Variants in LINGO2 observed in about 807,000 individuals in gnomAD.
LINGO2 encodes the protein leucine-rich repeat and immunoglobulin-like domain-containing nogo receptor-interacting protein 2.
Under a neutral mutation model 30.6 loss-of-function variants are expected in LINGO2, and 14 were observed. The ratio of observed to expected loss-of-function variants is 0.46; its 90% CI spans 0.30 to 0.72. The LOEUF (loss-of-function observed/expected upper bound fraction) is 0.72, where lower values mean the gene tolerates loss of function less well. LINGO2 is among the 30% of genes least tolerant of loss of function. The pLI is 0.07. For missense variants in LINGO2, 729 were observed against 751.7 expected (o/e 0.97, Z 0.35); for synonymous variants, 317 against 288.5 (o/e 1.10, Z -1.00).
chr9:29,173,994 T>C, the LINGO2 span, among the ~76,000 whole-genome samples: 2 of 152,016 alleles, frequency 1.3e-5, no homozygotes, highest in South Asian at 4.1e-4. Context: ...GGAATTAGAA[T>C]TGAAAACAAA....
the LINGO2 span, among the ~76,000 whole-genome samples, chr9:29,184,178 C>T: frequency 6.6e-6 from 1 of 152,058 alleles, no homozygotes; most frequent in East Asian, 1.9e-4. Context: ...CAAATTTGAA[C>T]AGGGCAAGCT....
At chr9:28,555,819 C>T (rs934050610) in intron 1 of LINGO2, among the ~76,000 whole-genome samples, 21 of 152,116 alleles carry the variant, frequency 1.4e-4, no homozygotes, top group Admixed American at 5.9e-4. Context: ...GGGCTTCATC[C>T]CTGGGATGCA....
intron 3 of LINGO2, among the ~76,000 whole-genome samples, chr9:28,363,669 C>G (rs959836404): frequency 1.3e-5 from 2 of 151,890 alleles, no homozygotes; most frequent in African/African-American, 2.4e-5. Context: ...TTAGTCAAGG[C>G]TAGATGCACA....
the LINGO2 span, among the ~76,000 whole-genome samples, chr9:29,067,226 A>G: frequency 6.6e-6 from 1 of 151,822 alleles, no homozygotes; most frequent in Non-Finnish European, 1.5e-5. Context: ...ACTGAATAGG[A>G]TCAGTAAAGA....
At chr9:28,322,573 G>C (rs1825086597) in intron 3 of LINGO2, among the ~76,000 whole-genome samples, 1 of 151,922 alleles carries the variant, frequency 6.6e-6, no homozygotes, top group Non-Finnish European at 1.5e-5. Flanking sequence ...TAAAAATTAA[G>C]GAACTTGCAC....
intron 1 of LINGO2, among the ~76,000 whole-genome samples, chr9:28,573,608 T>C (rs1477228862): frequency 1.3e-5 from 2 of 152,200 alleles, no homozygotes; most frequent in Admixed American, 1.3e-4. Flanking sequence ...CCTTATACTT[T>C]CAAGTCTTTT....
chr9:28,026,418 T>C (rs577176665), intron 4 of LINGO2, among the ~76,000 whole-genome samples: 10 of 152,274 alleles, frequency 6.6e-5, no homozygotes, highest in African/African-American at 1.9e-4. Flanking sequence ...AAGGCACAGG[T>C]TGCTGGGCCC....
rs1392458850 is a variant in LINGO2, at chr9:28,393,666, T to C, written c.-278-20798A>G. ...GAGTGGAATGCAAGGCAAGATCAAC[T>C]GTCAGAGGTGAACATCAGGCCTTAC... is the stretch of plus-strand genomic sequence containing the variant. On this transcript the variant is annotated intron_variant, in intron 2 of 5. Coordinates refer to ENST00000379992, the Ensembl canonical transcript of LINGO2. 2.6e-5 allele frequency among the ~76,000 whole-genome samples: 4 copies of C among 152,282 alleles called. 1 individual carries two copies. The highest frequency in any genetic ancestry group is 2.6e-4 in the Admixed American group (4 of 15,294).
chr9:28,171,189 G>C (rs1828571433), intron 4 of LINGO2, among the ~76,000 whole-genome samples: 1 of 152,098 alleles, frequency 6.6e-6, no homozygotes, highest in South Asian at 2.1e-4. Flanking sequence ...CACAATAAAT[G>C]AAAACCGACT....
chr9:28,768,527 G>C, the LINGO2 span, among the ~76,000 whole-genome samples: 1 of 151,300 alleles, frequency 6.6e-6, no homozygotes, highest in Non-Finnish European at 1.5e-5. Context: ...TGGGCAATTG[G>C]ATTTCAATAC....
chr9:28,585,200 T>C (rs1046079796), intron 1 of LINGO2, among the ~76,000 whole-genome samples: 1 of 152,088 alleles, frequency 6.6e-6, no homozygotes, highest in African/African-American at 2.4e-5. Context: ...TCTCAGTGTA[T>C]GTATTCACAG....
chr9:28,556,568 T>A (rs1269695950), intron 1 of LINGO2, among the ~76,000 whole-genome samples: 1 of 152,134 alleles, frequency 6.6e-6, no homozygotes, highest in Non-Finnish European at 1.5e-5. Context: ...ATGGCCATAC[T>A]GCCTAAGGTC....
chr9:28,632,883 G>T (rs71482106), intron 1 of LINGO2, among the ~76,000 whole-genome samples: 1,672 of 76,400 alleles, frequency 0.022, 74 homozygotes, highest in African/African-American at 0.076. Context: ...TATATATGTA[G>T]AGAGAGAGAG....
At chr9:29,197,029 G>A in the LINGO2 span, among the ~76,000 whole-genome samples, 1 of 151,900 alleles carries the variant, frequency 6.6e-6, no homozygotes, top group Non-Finnish European at 1.5e-5. Flanking sequence ...GTCCATTTAA[G>A]TTCACTTAAG....
chr9:28,062,514 T>C (rs1453202311), intron 4 of LINGO2, among the ~76,000 whole-genome samples: 1 of 146,100 alleles, frequency 6.8e-6, no homozygotes, highest in Non-Finnish European at 1.5e-5. Context: ...GTATATATAC[T>C]ATATTGTATA....
intron 2 of LINGO2, among the ~76,000 whole-genome samples, chr9:28,436,536 T>C (rs576169131): frequency 1.5e-4 from 23 of 152,014 alleles, no homozygotes; most frequent in East Asian, 1.4e-3. Flanking sequence ...CGGCTCACTG[T>C]AAGCTCCGCC....
intron 3 of LINGO2, among the ~76,000 whole-genome samples, chr9:28,306,071 T>C (rs1824339648): frequency 6.6e-6 from 1 of 152,122 alleles, no homozygotes; most frequent in South Asian, 2.1e-4. Context: ...AATTTATGAA[T>C]TATTTTCTAC....
intron 3 of LINGO2, among the ~76,000 whole-genome samples, chr9:28,308,361 G>T: frequency 7.5e-6 from 1 of 132,934 alleles, no homozygotes; most frequent in Non-Finnish European, 1.7e-5. Flanking sequence ...ATGGTGCTGG[G>T]AAAACTGGCT....
At chr9:28,646,417 A>T (rs530691460) in intron 1 of LINGO2, among the ~76,000 whole-genome samples, 14 of 152,230 alleles carry the variant, frequency 9.2e-5, no homozygotes, top group Non-Finnish European at 1.6e-4. Flanking sequence ...TGGAACCTCA[A>T]ATAACATGCT....
Sources: allele counts gnomAD v4.1 joint callset (sites outside exome capture counted in the v4.1 genomes callset), GRCh38; gene constraint gnomAD v4.1.1; transcripts MANE v1.5; gene names NCBI Gene and HGNC (gene_info 2026-07-23, HGNC 2026-07-21).